SEMA5A: variants seen among roughly 807,000 people sequenced by gnomAD.
SEMA5A encodes semaphorin-5A.
A neutral mutation model predicts 135.5 loss-of-function variants in SEMA5A; 55 were observed. The ratio of observed to expected loss-of-function variants is 0.41; its 90% CI spans 0.33 to 0.51. The LOEUF is 0.51. Ranked by LOEUF, SEMA5A falls within the 20% of genes least tolerant of loss-of-function variation. The pLI, the probability that SEMA5A is intolerant of heterozygous loss-of-function variation, is 0.37. For synonymous variants in SEMA5A, 580 were observed against 546.5 expected (o/e 1.06, Z -0.85); for missense variants, 1,290 against 1,419.9 (o/e 0.91, Z 1.47).
At position 9,163,815 on chromosome 5, in the gene SEMA5A, G is replaced by C. The variant is rs187265423; in HGVS notation, c.1274-9120C>G. Among the ~76,000 whole-genome samples, 501 of 151,790 alleles carry C rather than the reference G, an allele frequency of 3.3e-3. 4 individuals are homozygous for C. Among genetic ancestry groups the C allele is most frequent in the East Asian group, 0.016 (81 of 5,176 alleles). On this transcript the variant is annotated intron_variant, in intron 11 of 22. Transcript: ENST00000382496. ...GACCATGGAAGGACAAAGAGAGAAG[G>C]CAGCCATCTGTAAGCCAGGAGGAGA...
intron 1 of SEMA5A, among the ~76,000 whole-genome samples, chr5:9,492,780 T>C (rs562541494): frequency 1.2e-3 from 180 of 152,270 alleles, no homozygotes; most frequent in African/African-American, 4.3e-3. Context: ...GGCTACATAC[T>C]ATGTGATTCC....
chr5:9,083,867 C>T (rs1368773229), intron 16 of SEMA5A, among the ~76,000 whole-genome samples: 3 of 152,190 alleles, frequency 2.0e-5, no homozygotes, highest in Non-Finnish European at 4.4e-5. Flanking sequence ...CATTAACCAC[C>T]TGATTCAGGA....
chr5:9,452,910 G>A (rs1444285018), intron 1 of SEMA5A, among the ~76,000 whole-genome samples: 1 of 152,134 alleles, frequency 6.6e-6, no homozygotes, highest in African/African-American at 2.4e-5. Context: ...CCAGGAAGAA[G>A]GACTACTCTG....
intron 15 of SEMA5A, 60 bp from the exon 16 acceptor site, chr5:9,108,347 G>C (rs1179851811): frequency 6.3e-7 from 1 of 1,583,416 alleles, no homozygotes; most frequent in Admixed American, 1.7e-5. Flanking sequence ...AACCACTGAC[G>C]TTTCCATCTC....
chr5:9,059,909 C>T (rs79198156), intron 18 of SEMA5A, among the ~76,000 whole-genome samples: 7,592 of 152,162 alleles, frequency 0.05, 296 homozygotes, highest in Middle Eastern at 0.12. Context: ...ATACAGTGTC[C>T]ATTTGTAATT....
intron 3 of SEMA5A, among the ~76,000 whole-genome samples, chr5:9,366,392 C>CT (rs571166909): frequency 0.016 from 2,282 of 142,012 alleles, 52 homozygotes; most frequent in African/African-American, 0.05. Context: ...ATAAAGAATT[C>CT]TTTTTTTTTT....
At chr5:9,466,555 TA>T (rs1381679317) in intron 1 of SEMA5A, among the ~76,000 whole-genome samples, 2 of 151,996 alleles carry the variant, frequency 1.3e-5, no homozygotes, top group Non-Finnish European at 2.9e-5. Flanking sequence ...AACAAAAGGG[TA>T]AAACTTAGAA....
intron 1 of SEMA5A, among the ~76,000 whole-genome samples, chr5:9,536,212 C>G (rs982486584): frequency 1.3e-5 from 2 of 151,944 alleles, no homozygotes; most frequent in African/African-American, 2.4e-5. Context: ...TTTGGTTTAG[C>G]AGAGAAATTA....
rs960779060 is a variant in SEMA5A, at chr5:9,369,525, G to A, written c.124+10298C>T. On this transcript the variant is annotated intron_variant, in intron 3 of 22. Coordinates refer to ENST00000382496, the MANE Select transcript of SEMA5A (RefSeq NM_003966.3). ...CTATCAGGTAATTGTTGTATATTGT[G>A]TGAAGCAATATTTAGAGTTTACTTT... is the stretch of plus-strand genomic sequence containing the variant. Among the ~76,000 whole-genome samples the A allele has an allele frequency of 3.2e-4, 48 of 152,248 alleles. 1 individual carries two copies. Among genetic ancestry groups the A allele is most frequent in the African/African-American group, 1.0e-3 (42 of 41,556 alleles).
intron 2 of SEMA5A, among the ~76,000 whole-genome samples, chr5:9,420,013 G>C (rs1304968505): frequency 6.6e-6 from 1 of 152,098 alleles, no homozygotes; most frequent in Non-Finnish European, 1.5e-5. Context: ...CCCCTCGGTG[G>C]CCATATTGGT....
intron 2 of SEMA5A, among the ~76,000 whole-genome samples, chr5:9,418,500 C>T (rs543763945): frequency 1.1e-4 from 17 of 152,332 alleles, no homozygotes; most frequent in African/African-American, 4.1e-4. Flanking sequence ...GCCTCAGTAG[C>T]ATCAGCATTT....
chr5:9,184,497 T>C (rs1414322694), intron 11 of SEMA5A, among the ~76,000 whole-genome samples: 4 of 152,202 alleles, frequency 2.6e-5, no homozygotes, highest in African/African-American at 4.8e-5. Context: ...CTCTGTGTGG[T>C]CCATTGTCTT....
At chr5:9,324,262 G>A (rs1012024933) in intron 4 of SEMA5A, among the ~76,000 whole-genome samples, 2 of 151,696 alleles carry the variant, frequency 1.3e-5, no homozygotes, top group Non-Finnish European at 2.9e-5. Flanking sequence ...TAGAGACGGG[G>A]TTTCACCGTG....
At chr5:9,512,486 T>C (rs1736265157) in intron 1 of SEMA5A, among the ~76,000 whole-genome samples, 1 of 152,200 alleles carries the variant, frequency 6.6e-6, no homozygotes, top group Non-Finnish European at 1.5e-5. Context: ...GCTGAAGTTC[T>C]GGTCTTCTAA....
At chr5:9,156,031 T>G (rs962287942) in intron 11 of SEMA5A, among the ~76,000 whole-genome samples, 9 of 152,174 alleles carry the variant, frequency 5.9e-5, no homozygotes, top group African/African-American at 1.9e-4. Flanking sequence ...GTATGCTATA[T>G]GCGGGGAAGA....
intron 1 of SEMA5A, among the ~76,000 whole-genome samples, chr5:9,541,274 A>T (rs1316300996): frequency 6.6e-6 from 1 of 152,232 alleles, no homozygotes; most frequent in Non-Finnish European, 1.5e-5. Flanking sequence ...TGAATTACCT[A>T]TTGCAGTAGT....
intron 2 of SEMA5A, among the ~76,000 whole-genome samples, chr5:9,430,106 A>T (rs1757805822): frequency 6.6e-6 from 1 of 152,172 alleles, no homozygotes; most frequent in Non-Finnish European, 1.5e-5. Context: ...AAAAAAACGA[A>T]CAACAATAAG....
intron 1 of SEMA5A, among the ~76,000 whole-genome samples, chr5:9,470,226 G>A (rs1759426618): frequency 6.6e-6 from 1 of 152,200 alleles, no homozygotes; most frequent in Non-Finnish European, 1.5e-5. Context: ...TGTGTCCCCA[G>A]GTTGCACAAA....
intron 5 of SEMA5A, among the ~76,000 whole-genome samples, chr5:9,292,347 A>G (rs551105617): frequency 6.6e-5 from 10 of 152,308 alleles, no homozygotes; most frequent in Admixed American, 5.2e-4. Flanking sequence ...CGTTTACTCA[A>G]TCTAAAACCT....
Sources: gnomAD v4.1 joint callset for allele counts (sites outside exome capture counted in the v4.1 genomes callset) on GRCh38, gnomAD v4.1.1 for gene constraint, MANE v1.5 for transcripts, NCBI Gene and HGNC (gene_info 2026-07-23, HGNC 2026-07-21) for gene names.